The following ADAM12 variants were observed in gnomAD, a reference collection of about 807,000 sequenced individuals.
ADAM12 encodes the protein ADAM metallopeptidase domain 12.
A neutral mutation model predicts 106.4 loss-of-function variants in ADAM12; 70 were observed. The ratio of observed to expected loss-of-function variants is 0.66; its 90% CI spans 0.54 to 0.80. The LOEUF (loss-of-function observed/expected upper bound fraction) is 0.80. Among genes scored for constraint, ADAM12 ranks in the 30% least tolerant of loss-of-function variants. The pLI is 0.00. For synonymous variants in ADAM12, 420 were observed against 433.5 expected (o/e 0.97, Z 0.39); for missense variants, 1,010 against 1,171.9 (o/e 0.86, Z 2.02).
chr10:126,204,778 C>G (rs1957766372), intron 3 of ADAM12, among the ~76,000 whole-genome samples: 1 of 152,196 alleles, frequency 6.6e-6, no homozygotes, highest in Admixed American at 6.5e-5. Context: ...CTTATCTTAC[C>G]TACCAAATGG....
chr10:126,384,099 G>A (rs927883365), intron 1 of ADAM12, among the ~76,000 whole-genome samples: 1 of 152,196 alleles, frequency 6.6e-6, no homozygotes, highest in Non-Finnish European at 1.5e-5. Flanking sequence ...GCTATCATGA[G>A]ACCATGAGGA....
At chr10:126,071,725 CAAG>C (rs1390291854) in intron 11 of ADAM12, 71 bp from the exon 12 acceptor site, 1 of 1,555,124 alleles carries the variant, frequency 6.4e-7, no homozygotes, top group Non-Finnish European at 8.8e-7. Context: ...CTTGTGCCCA[CAAG>C]AAGGCACCCA....
intron 8 of ADAM12, among the ~76,000 whole-genome samples, chr10:126,107,638 C>T (rs571558409): frequency 1.1e-4 from 16 of 152,328 alleles, no homozygotes; most frequent in Non-Finnish European, 1.9e-4. Flanking sequence ...TCCCTTCTCA[C>T]ACTGTCCCCA....
chr10:126,092,444 G>A (rs997739067), intron 11 of ADAM12, among the ~76,000 whole-genome samples: 1 of 152,198 alleles, frequency 6.6e-6, no homozygotes, highest in African/African-American at 2.4e-5. Context: ...ACCCTAAGAA[G>A]GAAATCCTTG....
intron 3 of ADAM12, among the ~76,000 whole-genome samples, chr10:126,242,605 C>A (rs1259297099): frequency 1.3e-5 from 2 of 152,206 alleles, no homozygotes; most frequent in African/African-American, 2.4e-5. Flanking sequence ...GGGTCCTCCA[C>A]AACGCCCCTG....
chr10:126,200,109 T>G (rs1173595250), intron 3 of ADAM12, among the ~76,000 whole-genome samples: 2 of 152,098 alleles, frequency 1.3e-5, no homozygotes, highest in South Asian at 4.2e-4. Flanking sequence ...ATTCTATGAA[T>G]TGGTATTTCC....
At position 126,386,114 on chromosome 10, in the gene ADAM12, G is replaced by C. The variant is rs546298397; in HGVS notation, c.88+1944C>G. On this transcript the variant is annotated intron_variant, in intron 1 of 22. Transcript: ENST00000448723. Reference sequence around the variant, plus strand: ...AAGAGGGACACAGGGATGACTTCCTGCATGTCAGCACAAGGCATGTGGAGA... The same window carrying C: ...AAGAGGGACACAGGGATGACTTCCTCCATGTCAGCACAAGGCATGTGGAGA... Among the ~76,000 whole-genome samples the C allele has an allele frequency of 2.0e-5, 3 of 152,236 alleles. No individual in the cohort carries two copies. In the South Asian group the frequency reaches 6.2e-4, roughly 32 times the overall value.
intron 1 of ADAM12, among the ~76,000 whole-genome samples, chr10:126,339,681 G>A (rs976474235): frequency 6.6e-6 from 1 of 152,096 alleles, no homozygotes; most frequent in Non-Finnish European, 1.5e-5. Flanking sequence ...TGCTTTGTGG[G>A]TTCCAGGAAC....
At chr10:126,290,024 A>G (rs920564346) in intron 2 of ADAM12, among the ~76,000 whole-genome samples, 1 of 152,184 alleles carries the variant, frequency 6.6e-6, no homozygotes, top group Non-Finnish European at 1.5e-5. Flanking sequence ...AGATGGGCCC[A>G]ATGTAATCAC....
intron 3 of ADAM12, among the ~76,000 whole-genome samples, chr10:126,155,531 C>G (rs540665202): frequency 5.3e-5 from 8 of 152,068 alleles, no homozygotes; most frequent in Non-Finnish European, 7.3e-5. Context: ...AACAATAGCC[C>G]ACACACTCAA....
At chr10:126,072,515 C>T (rs947059667) in intron 11 of ADAM12, among the ~76,000 whole-genome samples, 6 of 152,214 alleles carry the variant, frequency 3.9e-5, no homozygotes, top group East Asian at 1.9e-4. Flanking sequence ...GAGTATCCCA[C>T]GGTTTTAGGA....
At chr10:126,262,910 G>A (rs1209523745) in intron 3 of ADAM12, among the ~76,000 whole-genome samples, 2 of 152,122 alleles carry the variant, frequency 1.3e-5, no homozygotes, top group East Asian at 1.9e-4. Context: ...TGTCCCTAGA[G>A]CACACACTTC....
chr10:126,268,344 G>A (rs934881890), intron 3 of ADAM12, among the ~76,000 whole-genome samples: 2 of 152,156 alleles, frequency 1.3e-5, no homozygotes, highest in East Asian at 1.9e-4. Context: ...TTCATTTTAC[G>A]TATGCCACAT....
At chr10:126,190,638 G>A (rs1169769860) in intron 3 of ADAM12, among the ~76,000 whole-genome samples, 1 of 152,164 alleles carries the variant, frequency 6.6e-6, no homozygotes, top group African/African-American at 2.4e-5. Flanking sequence ...CGTGAAGAGT[G>A]TACATTACAG....
At chr10:126,327,268 T>A (rs893261133) in intron 2 of ADAM12, among the ~76,000 whole-genome samples, 4 of 152,022 alleles carry the variant, frequency 2.6e-5, no homozygotes, top group Non-Finnish European at 5.9e-5. Flanking sequence ...TCAAGGAAAA[T>A]CATGATGAGT....
chr10:126,154,797 T>C (rs1956784323), intron 4 of ADAM12, among the ~76,000 whole-genome samples: 2 of 152,204 alleles, frequency 1.3e-5, no homozygotes, highest in South Asian at 4.1e-4. Context: ...TAGAATCGTA[T>C]CCACATTGTG....
intron 4 of ADAM12, chr10:126,145,676 T>C (rs1273034190): frequency 6.6e-6 from 1 of 152,230 alleles, no homozygotes; most frequent in Non-Finnish European, 1.5e-5. Flanking sequence ...TGTCTCAGTA[T>C]TCTCATCTGG....
At chr10:126,220,677 T>C (rs542888915) in intron 3 of ADAM12, among the ~76,000 whole-genome samples, 1 of 152,376 alleles carries the variant, frequency 6.6e-6, no homozygotes, top group African/African-American at 2.4e-5. Context: ...CCCTTCTCTG[T>C]GATGCTAATG....
chr10:126,055,505 C>G (rs1294979712), intron 14 of ADAM12, among the ~76,000 whole-genome samples: 1 of 152,276 alleles, frequency 6.6e-6, no homozygotes, highest in Non-Finnish European at 1.5e-5. Context: ...TTATAGCCAC[C>G]CTGTAAGGTC....
Sources: allele counts gnomAD v4.1 joint callset (sites outside exome capture counted in the v4.1 genomes callset), GRCh38; gene constraint gnomAD v4.1.1; transcripts MANE v1.5; gene names NCBI Gene and HGNC (gene_info 2026-07-23, HGNC 2026-07-21).